MDH2: variants seen among roughly 807,000 people sequenced by gnomAD.
The protein encoded by MDH2 is malate dehydrogenase, mitochondrial.
Under a neutral mutation model 33.6 loss-of-function variants are expected in MDH2, and 25 were observed. The ratio of observed to expected loss-of-function variants is 0.74; its 90% CI spans 0.54 to 1.04. The LOEUF is 1.04. Among genes scored for constraint, MDH2 ranks in the 50% least tolerant of loss-of-function variants. The pLI is 0.00. For missense variants in MDH2, 432 were observed against 445.0 expected (o/e 0.97, Z 0.26); for synonymous variants, 193 against 188.7 (o/e 1.02, Z -0.19).
At chr7:76,051,004 C>T (rs1362563743) in intron 1 of MDH2, among the ~76,000 whole-genome samples, 6 of 151,922 alleles carry the variant, frequency 3.9e-5, no homozygotes, top group Non-Finnish European at 7.4e-5. Context: ...ACCTCAGCCT[C>T]CTGAGTAGCT....
At chr7:76,065,344 C>T (rs1424240790) in intron 8 of MDH2, among the ~76,000 whole-genome samples, 1 of 152,132 alleles carries the variant, frequency 6.6e-6, no homozygotes, top group African/African-American at 2.4e-5. Flanking sequence ...CGAGAGTGTG[C>T]CCCATCCAGA....
In MDH2 at chr7:76,055,737, CA is replaced by C. The variant is rs572199771; in HGVS notation, c.235+756del. On this transcript the variant is annotated intron_variant, in intron 2 of 8. Transcript: ENST00000315758. The stretch of plus-strand genomic sequence containing the variant: ...AGGTGAGATAGTGAGACACTGTTTC[CA>C]AAAAAAAAAAAAAAAATTTCATAAA... Among the ~76,000 whole-genome samples, 964 of 97,942 alleles carry C rather than the reference CA, an allele frequency of 9.8e-3. 5 individuals are homozygous for C. The highest frequency in any genetic ancestry group is 0.012 in the African/African-American group (353 of 28,946). 64.3% of individuals were successfully genotyped at this position (97,942 alleles called of 152,430 possible).
intron 8 of MDH2, among the ~76,000 whole-genome samples, chr7:76,065,763 G>A (rs3779419): frequency 0.21 from 32,504 of 152,116 alleles, 3,801 homozygotes; most frequent in East Asian, 0.29. Flanking sequence ...AGGTGAGACG[G>A]TGGCAGAGAT....
chr7:76,053,250 G>C (rs144535817), intron 1 of MDH2, among the ~76,000 whole-genome samples: 2 of 152,212 alleles, frequency 1.3e-5, no homozygotes, highest in African/African-American at 4.8e-5. Context: ...GATGGAGGGA[G>C]GGGGGCAGGA....
At chr7:76,055,822 G>T (rs1345086099) in intron 2 of MDH2, among the ~76,000 whole-genome samples, 1 of 135,744 alleles carries the variant, frequency 7.4e-6, no homozygotes, top group Non-Finnish European at 1.6e-5. Context: ...ATTTTTGCAT[G>T]TCACCAAATT....
intron 4 of MDH2, among the ~76,000 whole-genome samples, chr7:76,058,831 A>C (rs1036971132): frequency 9.9e-5 from 15 of 152,228 alleles, no homozygotes; most frequent in Non-Finnish European, 1.3e-4. Flanking sequence ...CTGATAACCA[A>C]AATGGCTCCT....
At position 76,064,935 on chromosome 7, in the gene MDH2, C is replaced by T. The variant is rs781984744; in HGVS notation, c.867C>T (p.Ser289=). 1 of 1,614,168 alleles carries T rather than the reference C, an allele frequency of 6.2e-7. No individual in the cohort carries two copies. Among genetic ancestry groups the T allele is most frequent in the South Asian group, 1.1e-5 (1 of 91,084 alleles). ...AGGAAACGGAATGTACCTACTTCTCCACACCGCTGCTGCTTGGGGTACGTA... is the reference window on the plus strand; with the variant it reads ...AGGAAACGGAATGTACCTACTTCTCTACACCGCTGCTGCTTGGGGTACGTA... ...KSQETECTYF[S]TPLLLGKKGI... is the part of the protein sequence containing the mutation. The change falls in exon 8 of 9, where the codon TCC becomes TCT. Residue 289 remains serine, a synonymous_variant. Coordinates refer to ENST00000315758, the MANE Select transcript of MDH2 (RefSeq NM_005918.4).
chr7:76,053,917 C>A (rs1162903305), intron 1 of MDH2, among the ~76,000 whole-genome samples: 2 of 152,202 alleles, frequency 1.3e-5, no homozygotes, highest in African/African-American at 4.8e-5. Context: ...GGGTCACTTT[C>A]ACCCCATCAC....
At position 76,064,830 on chromosome 7, in the gene MDH2, C is replaced by T. The variant is rs782182384; in HGVS notation, c.762C>T (p.Ala254=). The part of the protein sequence containing the change: ...AGSATLSMAY[A]GARFVFSLVD... ...CTGCCACCCTCTCCATGGCGTATGC[C>T]GGCGCCCGCTTTGTCTTCTCCCTTG... Residue 254 remains alanine, a synonymous_variant, in exon 8 of 9, where the codon GCC becomes GCT. Coordinates refer to ENST00000315758, the MANE Select transcript of MDH2 (RefSeq NM_005918.4). 1.1e-5 allele frequency: 18 copies of T among 1,613,962 alleles called. No homozygotes were observed. The highest frequency in any genetic ancestry group is 3.3e-5 in the Admixed American group (2 of 59,994).
At chr7:76,059,079 G>A (rs1457708194) in intron 4 of MDH2, among the ~76,000 whole-genome samples, 4 of 152,168 alleles carry the variant, frequency 2.6e-5, no homozygotes, top group East Asian at 1.9e-4. Context: ...GAGTAGCTGG[G>A]ATTACAGGTG....
chr7:76,065,709 T>C (rs1246881527), intron 8 of MDH2, among the ~76,000 whole-genome samples: 1 of 152,074 alleles, frequency 6.6e-6, no homozygotes, highest in Non-Finnish European at 1.5e-5. Flanking sequence ...TGAGTTGAGG[T>C]GAGGACTGAG....
At chr7:76,049,222 T>C (rs1554584908) in intron 1 of MDH2, among the ~76,000 whole-genome samples, 1 of 152,172 alleles carries the variant, frequency 6.6e-6, no homozygotes, top group Non-Finnish European at 1.5e-5. Flanking sequence ...AAGTTGGTAA[T>C]ATCCTAAGTC....
rs147297191 is a variant in MDH2, at chr7:76,065,054, T to C, written c.885+101T>C. The C allele has an allele frequency of 2.2e-3, 3,024 of 1,380,210 alleles. 48 individuals are homozygous for C. The African/African-American group carries it at 0.034, about 15-fold the overall frequency. The allele number at this position is 1,380,210 out of a possible 1,614,324, so 85.5% of individuals were successfully genotyped here. ...CCTGGCCCTTTATGCAGTAAGCTCA[T>C]GTGCCTGCCTGGCGAGTGCTGTTGT... On this transcript the variant is annotated intron_variant, in intron 8 of 8. Coordinates refer to ENST00000315758, the MANE Select transcript of MDH2 (RefSeq NM_005918.4).
rs1798105322 is a variant in MDH2, at chr7:76,066,695, A to G, written c.*285A>G. ...ACCAATCAGAATTAGATGATGTTTA[A>G]CTGTTAGACTGAAGCGTGACGCTTT... On this transcript the variant is annotated 3_prime_UTR_variant, in exon 9 of 9. Coordinates refer to ENST00000315758, the MANE Select transcript of MDH2 (RefSeq NM_005918.4). The G allele has an allele frequency of 7.8e-6, 2 of 256,962 alleles. No homozygotes were observed. The highest frequency in any genetic ancestry group is 1.5e-5 in the Non-Finnish European group (2 of 134,620). 15.9% of individuals were successfully genotyped at this position (256,962 alleles called of 1,614,324 possible).
At chr7:76,049,560 G>A (rs1216296476) in intron 1 of MDH2, among the ~76,000 whole-genome samples, 2 of 152,102 alleles carry the variant, frequency 1.3e-5, no homozygotes, top group Non-Finnish European at 2.9e-5. Context: ...AGGACAGGAG[G>A]GATGAGGTGT....
intron 1 of MDH2, chr7:76,048,436 C>G: frequency 8.9e-7 from 1 of 1,126,328 alleles, no homozygotes; most frequent in Non-Finnish European, 1.2e-6. Flanking sequence ...CGAGGTAGTC[C>G]CGCTCCAGGG....
chr7:76,057,305 T>C, intron 2 of MDH2, 105 bp from the exon 3 acceptor site: 2 of 1,155,038 alleles, frequency 1.7e-6, no homozygotes, highest in East Asian at 4.8e-5. Context: ...GCAGGGCTTC[T>C]AGCCTTTCTC....
intron 1 of MDH2, 186 bp downstream of exon 1, chr7:76,048,412 C>T (rs1281434357): frequency 1.3e-5 from 15 of 1,147,980 alleles, no homozygotes; most frequent in Admixed American, 6.5e-5. Flanking sequence ...GGGAGAAAGC[C>T]GGGGAAAAGG....
chr7:76,065,099 C>T, intron 8 of MDH2, 146 bp downstream of exon 8: 1 of 930,420 alleles, frequency 1.1e-6, no homozygotes, highest in East Asian at 2.6e-5. Flanking sequence ...TGGACGCACA[C>T]CCGAGAAAAA....
Sources: gnomAD v4.1 joint callset for allele counts (sites outside exome capture counted in the v4.1 genomes callset) on GRCh38, gnomAD v4.1.1 for gene constraint, MANE v1.5 for transcripts, NCBI Gene and HGNC (gene_info 2026-07-23, HGNC 2026-07-21) for gene names.